The following PALS2 variants were observed in gnomAD, a reference collection of about 807,000 sequenced individuals.
The protein encoded by PALS2 is protein PALS2.
PALS2 carries 27 observed loss-of-function variants against 61.6 expected under a neutral mutation model. The observed-to-expected ratio is 0.44, with a 90% CI of 0.32 to 0.60. PALS2 has a LOEUF of 0.60. Among genes scored for constraint, PALS2 ranks in the 20% least tolerant of loss-of-function variants. The pLI is 0.05. For synonymous variants in PALS2, 236 were observed against 218.6 expected (o/e 1.08, Z -0.70); for missense variants, 554 against 639.4 (o/e 0.87, Z 1.44).
chr7:24,672,385 G>C (rs920018407), intron 9 of PALS2, among the ~76,000 whole-genome samples: 2 of 151,666 alleles, frequency 1.3e-5, no homozygotes, highest in African/African-American at 4.8e-5. Flanking sequence ...CCACCATCCT[G>C]CCTGGCTAAT....
intron 1 of PALS2, among the ~76,000 whole-genome samples, chr7:24,613,918 T>G (rs1437371627): frequency 6.6e-6 from 1 of 151,950 alleles, no homozygotes; most frequent in Non-Finnish European, 1.5e-5. Flanking sequence ...GACAGGATTT[T>G]ATTCCTTTTT....
At chr7:24,675,998 A>T (rs1409969487) in intron 9 of PALS2, among the ~76,000 whole-genome samples, 1 of 150,020 alleles carries the variant, frequency 6.7e-6, no homozygotes, top group African/African-American at 2.5e-5. Context: ...ACTAGTTTAC[A>T]GTCCCACCAA....
Position 24,688,760 on chromosome 7 carries a change from T to C in PALS2, c.*1146T>C, listed in dbSNP as rs1788330191. On this transcript the variant is annotated 3_prime_UTR_variant, in exon 12 of 12. Coordinates refer to ENST00000222644, the MANE Select transcript of PALS2 (RefSeq NM_001303037.2). ...TATGTATATTATGTATTATATAATA[T>C]ATATAAAATGTTTTGTATATTTTTT... 6.7e-6 allele frequency: 1 copy of C among 149,766 alleles called. No homozygotes were observed. The highest frequency in any genetic ancestry group is 2.4e-5 in the African/African-American group (1 of 41,002). The allele number at this position is 149,766 out of a possible 1,614,324, so 9.3% of individuals were successfully genotyped here. A position where few individuals can be genotyped will look rare whatever the true frequency, so the allele number is the denominator to read the frequency against.
intron 2 of PALS2, among the ~76,000 whole-genome samples, chr7:24,628,429 A>C (rs1437432864): frequency 6.6e-6 from 1 of 152,202 alleles, no homozygotes; most frequent in Non-Finnish European, 1.5e-5. Flanking sequence ...CAAAAGCTAG[A>C]AGTATTCCCT....
chr7:24,629,387 A>G (rs1478711167), intron 2 of PALS2, among the ~76,000 whole-genome samples: 1 of 152,244 alleles, frequency 6.6e-6, no homozygotes, highest in African/African-American at 2.4e-5. Flanking sequence ...TAAAAACCCT[A>G]GAAGAAAACC....
chr7:24,645,496 A>G (rs1364647517), intron 3 of PALS2, among the ~76,000 whole-genome samples: 1 of 152,204 alleles, frequency 6.6e-6, no homozygotes, highest in Non-Finnish European at 1.5e-5. Flanking sequence ...TTGTACCAGT[A>G]TCATGCTGTT....
chr7:24,578,713 A>C (rs772977371), intron 1 of PALS2, among the ~76,000 whole-genome samples: 3 of 152,240 alleles, frequency 2.0e-5, no homozygotes, highest in Non-Finnish European at 2.9e-5. Context: ...TCAATAAACT[A>C]TATCTCATTA....
rs924582539 is a variant in PALS2, at chr7:24,573,573, A to T, written c.-23A>T. The T allele has an allele frequency of 2.4e-5, 9 of 378,604 alleles. No individual in the cohort carries two copies. In the East Asian group the frequency reaches 3.0e-4, roughly 13 times the overall value. 23.5% of individuals were successfully genotyped at this position (378,604 alleles called of 1,614,324 possible). On this transcript the variant is annotated 5_prime_UTR_variant, in exon 1 of 12. Coordinates refer to ENST00000222644, the MANE Select transcript of PALS2 (RefSeq NM_001303037.2). The surrounding 1 kb of genome is among the most constrained non-coding windows in gnomAD (Gnocchi z 5.3). ...GGGAGCGGCGGCAGCGGCGGCGCGG[A>T]GGCGGCTGAGGTGCGAGCCGGTGAG...
chr7:24,603,394 G>A (rs1348021321), intron 1 of PALS2, among the ~76,000 whole-genome samples: 1 of 152,204 alleles, frequency 6.6e-6, no homozygotes, highest in Non-Finnish European at 1.5e-5. Context: ...GAGAAAACCT[G>A]CTGCTGTGCT....
intron 1 of PALS2, among the ~76,000 whole-genome samples, chr7:24,591,485 T>A (rs1452582137): frequency 6.6e-6 from 1 of 152,172 alleles, no homozygotes. Context: ...AATGAGTATT[T>A]ATTAAATGTG....
chr7:24,621,269 A>G (rs774336732), intron 1 of PALS2, among the ~76,000 whole-genome samples: 6 of 152,074 alleles, frequency 3.9e-5, no homozygotes, highest in Non-Finnish European at 5.9e-5. Flanking sequence ...TGAAACCCCC[A>G]TGGATGAACC....
intron 2 of PALS2, among the ~76,000 whole-genome samples, chr7:24,634,151 A>C (rs758339121): frequency 2.0e-5 from 3 of 152,122 alleles, no homozygotes; most frequent in Admixed American, 6.5e-5. Flanking sequence ...ATCATTTGCA[A>C]ATATTTCTCC....
intron 1 of PALS2, among the ~76,000 whole-genome samples, chr7:24,614,856 G>A (rs1784235895): frequency 6.6e-6 from 1 of 151,942 alleles, no homozygotes; most frequent in Non-Finnish European, 1.5e-5. Context: ...GGAAAGAAAA[G>A]TAATGAGAAG....
chr7:24,575,233 C>A (rs1196537995), intron 1 of PALS2, among the ~76,000 whole-genome samples: 1 of 152,092 alleles, frequency 6.6e-6, no homozygotes, highest in East Asian at 1.9e-4. Flanking sequence ...ACTGATGCCA[C>A]CGAATTCTTG....
intron 3 of PALS2, among the ~76,000 whole-genome samples, chr7:24,646,027 A>T (rs1484935703): frequency 3.3e-5 from 5 of 152,008 alleles, no homozygotes; most frequent in Non-Finnish European, 7.4e-5. Context: ...CCTTGGCTGA[A>T]GTTATCAGCT....
intron 1 of PALS2, among the ~76,000 whole-genome samples, chr7:24,576,108 T>G (rs1782633574): frequency 6.6e-6 from 1 of 152,228 alleles, no homozygotes; most frequent in Admixed American, 6.5e-5. Flanking sequence ...TCCTTAAAAC[T>G]TAGGCGGAGA....
chr7:24,684,136 T>C (rs1788076821), intron 11 of PALS2, among the ~76,000 whole-genome samples: 1 of 151,994 alleles, frequency 6.6e-6, no homozygotes, highest in Non-Finnish European at 1.5e-5. Context: ...TTTTTTTTTC[T>C]GTCGCCAGGC....
chr7:24,639,330 C>T (rs563315695), intron 2 of PALS2, among the ~76,000 whole-genome samples: 3 of 152,038 alleles, frequency 2.0e-5, no homozygotes, highest in Non-Finnish European at 4.4e-5. Flanking sequence ...TGTGAACTCA[C>T]GCAAATCACT....
Position 24,680,395 on chromosome 7 carries a change from C to T in PALS2, c.1321C>T (p.Leu441=), listed in dbSNP as rs1027088534. 1 of 1,611,596 alleles carries T rather than the reference C, an allele frequency of 6.2e-7. No individual in the cohort carries two copies. Among genetic ancestry groups the T allele is most frequent in the African/African-American group, 1.3e-5 (1 of 74,832 alleles). ...TCILDVNPQA[L]KVLRTSEFMP... The stretch of plus-strand genomic sequence containing the variant: ...TTATAATTATTCTTTTACACAGGCA[C>T]TGAAAGTATTGAGGACATCAGAGTT... The change falls in exon 11 of 12, where the codon CTG becomes TTG. Residue 441 remains leucine (L), a synonymous_variant. Coordinates refer to ENST00000222644, the MANE Select transcript of PALS2 (RefSeq NM_001303037.2).
Sources: gnomAD v4.1 joint callset for allele counts (sites outside exome capture counted in the v4.1 genomes callset) on GRCh38, gnomAD v4.1.1 for gene constraint, Gnocchi (gnomAD v3.1) non-coding constraint, MANE v1.5 for transcripts, NCBI Gene and HGNC (gene_info 2026-07-23, HGNC 2026-07-21) for gene names.